Variants in GNAQ observed in about 807,000 individuals in gnomAD.
GNAQ encodes guanine nucleotide-binding protein G(q) subunit alpha.
In GNAQ, 8 loss-of-function variants were observed where a neutral mutation model predicts 43.9. That is an observed-to-expected ratio of 0.18 (90% CI 0.11 to 0.33). The LOEUF (loss-of-function observed/expected upper bound fraction) is 0.33, where lower values mean the gene tolerates loss of function less well. Among genes scored for constraint, GNAQ ranks in the 10% least tolerant of loss-of-function variants. The probability of loss-of-function intolerance (pLI) is 1.00; values close to 1 mark genes in which losing one functional copy is unlikely to be tolerated. For missense variants in GNAQ, 158 were observed against 450.8 expected (o/e 0.35, Z 5.88); for synonymous variants, 155 against 170.7 (o/e 0.91, Z 0.71).
intron 1 of GNAQ, among the ~76,000 whole-genome samples, chr9:77,957,350 A>G (rs1823053866): frequency 6.6e-6 from 1 of 151,908 alleles, no homozygotes; most frequent in Non-Finnish European, 1.5e-5. Context: ...TGCAAGACTC[A>G]GTCTCAAAAA....
chr9:77,814,815 T>C (rs1309468604), intron 3 of GNAQ, among the ~76,000 whole-genome samples: 1 of 152,188 alleles, frequency 6.6e-6, no homozygotes, highest in Non-Finnish European at 1.5e-5. Flanking sequence ...AGATGCTGTA[T>C]TAATATAACT....
chr9:77,737,687 A>C (rs1392749482), intron 5 of GNAQ, among the ~76,000 whole-genome samples: 1 of 152,186 alleles, frequency 6.6e-6, no homozygotes, highest in Non-Finnish European at 1.5e-5. Flanking sequence ...ATTGCACCAA[A>C]CCAGTCATCA....
chr9:78,005,779 ATCCCCACGACTAC>A (rs1367055113), intron 1 of GNAQ, among the ~76,000 whole-genome samples: 1 of 152,190 alleles, frequency 6.6e-6, no homozygotes, highest in Non-Finnish European at 1.5e-5. Flanking sequence ...TGTGTTAGGC[ATCCCCACGACTAC>A]TCCCCAGGCT....
chr9:77,907,396 A>G (rs1828726992), intron 2 of GNAQ, among the ~76,000 whole-genome samples: 1 of 152,198 alleles, frequency 6.6e-6, no homozygotes, highest in Non-Finnish European at 1.5e-5. Context: ...GGAAATAAGG[A>G]AAGAAAGAAA....
intron 1 of GNAQ, among the ~76,000 whole-genome samples, chr9:77,936,044 C>T (rs11145618): frequency 0.22 from 33,338 of 152,086 alleles, 3,847 homozygotes; most frequent in South Asian, 0.38. Context: ...ACTCTTACAA[C>T]CAGAATTACT....
chr9:77,803,511 C>T (rs1300437606), intron 3 of GNAQ, among the ~76,000 whole-genome samples: 1 of 152,198 alleles, frequency 6.6e-6, no homozygotes, highest in Non-Finnish European at 1.5e-5. Flanking sequence ...TGAGGGAACA[C>T]AGACACTTGC....
chr9:77,857,201 C>A (rs1202240956), intron 2 of GNAQ, among the ~76,000 whole-genome samples: 1 of 152,200 alleles, frequency 6.6e-6, no homozygotes, highest in Non-Finnish European at 1.5e-5. Flanking sequence ...CTCTTCATCA[C>A]CGTTGGTATT....
At chr9:77,776,135 A>G (rs1416805751) in intron 5 of GNAQ, among the ~76,000 whole-genome samples, 1 of 152,202 alleles carries the variant, frequency 6.6e-6, no homozygotes, top group Non-Finnish European at 1.5e-5. Context: ...CTAGGTGACA[A>G]TAGCTTGTTT....
rs1359213719 is a variant in GNAQ at position 77,720,732 on chromosome 9, A to C, written c.*591T>G. On this transcript the variant is annotated 3_prime_UTR_variant, in exon 7 of 7. Transcript: ENST00000286548. ...AGACAGTATATTCTATTAAAAAAGA[A>C]ACTATGTGTGTATCCAAAGCAACAC... 4.3e-6 allele frequency: 1 copy of C among 233,374 alleles called. No individual in the cohort carries two copies. Among genetic ancestry groups the C allele is most frequent in the Non-Finnish European group, 8.5e-6 (1 of 117,964 alleles). The allele number at this position is 233,374 out of a possible 1,614,324, so 14.5% of individuals were successfully genotyped here.
intron 1 of GNAQ, 118 bp downstream of exon 1, chr9:78,030,982 A>C: frequency 1.7e-6 from 1 of 599,936 alleles, no homozygotes; most frequent in Non-Finnish European, 2.4e-6. Context: ...CGCGCCCGGG[A>C]GGGTAGGGGC....
At chr9:77,882,690 A>C (rs1828234121) in intron 2 of GNAQ, among the ~76,000 whole-genome samples, 1 of 152,226 alleles carries the variant, frequency 6.6e-6, no homozygotes, top group African/African-American at 2.4e-5. Context: ...TGAGATAGAA[A>C]AAAAGCATAG....
chr9:77,740,794 C>T (rs916196346), intron 5 of GNAQ, among the ~76,000 whole-genome samples: 3 of 152,120 alleles, frequency 2.0e-5, no homozygotes, highest in Non-Finnish European at 4.4e-5. Flanking sequence ...TGATAACTAG[C>T]ATTGTTTAGT....
chr9:77,993,561 G>A (rs763921780), intron 1 of GNAQ, among the ~76,000 whole-genome samples: 3 of 152,050 alleles, frequency 2.0e-5, no homozygotes, highest in Non-Finnish European at 4.4e-5. Context: ...AAGGAGCCAG[G>A]CATGGTGACA....
intron 5 of GNAQ, among the ~76,000 whole-genome samples, chr9:77,762,375 G>A: frequency 7.2e-6 from 1 of 138,678 alleles, no homozygotes; most frequent in Admixed American, 6.9e-5. Flanking sequence ...CCCCTACTGG[G>A]AAGTGAGGAG....
rs34812363 is a variant in GNAQ at position 77,763,141 on chromosome 9, C to CAA, written c.735+31320_735+31321dup. Among the ~76,000 whole-genome samples the CAA allele has an allele frequency of 1.9e-3, 124 of 64,872 alleles. 1 individual carries two copies. The highest frequency in any genetic ancestry group is 0.018 in the East Asian group (69 of 3,802). 42.6% of individuals were successfully genotyped at this position (64,872 alleles called of 152,430 possible). ...ACAAAAAAATAAACAAACAAACAAA[C>CAA]AAAAAAAAAAAAAACAAAGGAAAAG... On this transcript the variant is annotated intron_variant, in intron 5 of 6. Transcript: ENST00000286548.
At chr9:77,948,871 C>T (rs1212947769) in intron 1 of GNAQ, among the ~76,000 whole-genome samples, 1 of 152,114 alleles carries the variant, frequency 6.6e-6, no homozygotes, top group Non-Finnish European at 1.5e-5. Context: ...GCATCTGCCC[C>T]TAGATACTTT....
intron 2 of GNAQ, among the ~76,000 whole-genome samples, chr9:77,897,485 A>G (rs1316554587): frequency 6.6e-6 from 1 of 152,208 alleles, no homozygotes; most frequent in Non-Finnish European, 1.5e-5. Flanking sequence ...TGAAGCCACC[A>G]GGGGCAGCAC....
intron 2 of GNAQ, among the ~76,000 whole-genome samples, chr9:77,843,134 ACTAT>A (rs1827519089): frequency 6.6e-6 from 1 of 152,220 alleles, no homozygotes; most frequent in Non-Finnish European, 1.5e-5. Flanking sequence ...GTTAGATATC[ACTAT>A]CTAAGATCAA....
intron 2 of GNAQ, among the ~76,000 whole-genome samples, chr9:77,876,644 T>C (rs1028386105): frequency 2.0e-5 from 3 of 152,216 alleles, no homozygotes; most frequent in Non-Finnish European, 2.9e-5. Flanking sequence ...TGCCAGGCAT[T>C]ATGCTAAGCA....
Sources: allele counts gnomAD v4.1 joint callset (sites outside exome capture counted in the v4.1 genomes callset), GRCh38; gene constraint gnomAD v4.1.1; transcripts MANE v1.5; gene names NCBI Gene and HGNC (gene_info 2026-07-23, HGNC 2026-07-21).